NLK: variants seen among roughly 807,000 people sequenced by gnomAD.
The protein encoded by NLK is nemo like kinase.
A neutral mutation model predicts 59.0 loss-of-function variants in NLK; 11 were observed. The observed-to-expected ratio is 0.19, with a 90% CI of 0.12 to 0.31. NLK has a LOEUF of 0.31. NLK is among the 10% of genes least tolerant of loss of function. The pLI is 1.00. For missense variants in NLK, 410 were observed against 661.1 expected (o/e 0.62, Z 4.16); for synonymous variants, 235 against 235.9 (o/e 1.00, Z 0.03).
chr17:28,097,727 T>C (rs968940332), intron 1 of NLK, among the ~76,000 whole-genome samples: 5 of 152,174 alleles, frequency 3.3e-5, no homozygotes, highest in African/African-American at 1.2e-4. Context: ...TGACAGATAC[T>C]TGTACATTTT....
chr17:28,162,024 A>G (rs1908025986), intron 4 of NLK, among the ~76,000 whole-genome samples: 1 of 151,228 alleles, frequency 6.6e-6, no homozygotes, highest in Admixed American at 6.6e-5. Context: ...CACATAAGCA[A>G]TTTTTTTTTC....
At chr17:28,142,075 A>G (rs1481984726) in intron 3 of NLK, among the ~76,000 whole-genome samples, 3 of 152,198 alleles carry the variant, frequency 2.0e-5, no homozygotes, top group African/African-American at 7.2e-5. Flanking sequence ...GTTTAAAATA[A>G]CATCATTTTC....
chr17:28,092,653 A>G (rs1319454251), intron 1 of NLK, among the ~76,000 whole-genome samples: 2 of 152,114 alleles, frequency 1.3e-5, no homozygotes, highest in Non-Finnish European at 2.9e-5. Context: ...TTCAACAGTC[A>G]CCTATAGCGT....
At chr17:28,138,405 C>T (rs1906849645) in intron 3 of NLK, among the ~76,000 whole-genome samples, 2 of 152,046 alleles carry the variant, frequency 1.3e-5, no homozygotes, top group African/African-American at 2.4e-5. Flanking sequence ...GATGTTCTGG[C>T]GCAATTATTG....
chr17:28,183,691 T>C (rs1909003114), intron 7 of NLK, among the ~76,000 whole-genome samples: 1 of 152,192 alleles, frequency 6.6e-6, no homozygotes, highest in South Asian at 2.1e-4. Flanking sequence ...CCAAACTTTC[T>C]GACCACAGAA....
intron 1 of NLK, among the ~76,000 whole-genome samples, chr17:28,052,880 T>C (rs1440423052): frequency 6.6e-6 from 1 of 151,170 alleles, no homozygotes; most frequent in African/African-American, 2.4e-5. Context: ...AGCATATTGA[T>C]CTCTGGTGTT....
At chr17:28,198,313 T>C (rs141857727), downstream of NLK, among the ~76,000 whole-genome samples, 1 of 151,946 alleles carries the variant, frequency 6.6e-6, no homozygotes, top group Non-Finnish European at 1.5e-5. Context: ...GCACGTATAC[T>C]TTTAAGAGAG....
intron 2 of NLK, among the ~76,000 whole-genome samples, chr17:28,126,019 G>A (rs1906276742): frequency 6.6e-6 from 1 of 152,174 alleles, no homozygotes. Flanking sequence ...TCTTGCTGTA[G>A]AGCCCATATT....
chr17:28,094,933 G>A lies in NLK; in HGVS notation c.459-27670G>A, dbSNP rs35153765. ...TTTTTTAAATTGTTTTCTCCACAGG[G>A]CAGAGGTAGTTCTCAGTCCACATAT... On this transcript the variant is annotated intron_variant, in intron 1 of 10. Coordinates refer to ENST00000407008, the MANE Select transcript of NLK (RefSeq NM_016231.5). Among the ~76,000 whole-genome samples the A allele has an allele frequency of 5.6e-3, 852 of 152,250 alleles. 5 individuals are homozygous for A. Among genetic ancestry groups the A allele is most frequent in the Non-Finnish European group, 9.2e-3 (629 of 68,026 alleles).
rs34454358 is a variant in NLK at position 28,173,391 on chromosome 17, A to C, written c.1149+773A>C. Among the ~76,000 whole-genome samples, 485 of 152,290 alleles carry C rather than the reference A, an allele frequency of 3.2e-3. 3 individuals carry two copies. Among genetic ancestry groups the C allele is most frequent in the African/African-American group, 0.011 (457 of 41,560 alleles). On this transcript the variant is annotated intron_variant, in intron 7 of 10. Coordinates refer to ENST00000407008, the MANE Select transcript of NLK (RefSeq NM_016231.5). ...TATCTGATTGATGGTACCAAATGACAGAGTGAATTTGACACTCCTCCTCTC... is the reference window on the plus strand; with the variant it reads ...TATCTGATTGATGGTACCAAATGACCGAGTGAATTTGACACTCCTCCTCTC...
downstream of NLK, among the ~76,000 whole-genome samples, chr17:28,199,534 T>C (rs1043228470): frequency 2.0e-5 from 3 of 151,780 alleles, no homozygotes; most frequent in East Asian, 5.8e-4. Context: ...GGCGTGGTGA[T>C]GGGCGCCTAT....
chr17:28,192,429 G>A (rs755422631), intron 10 of NLK, among the ~76,000 whole-genome samples: 2 of 152,158 alleles, frequency 1.3e-5, no homozygotes, highest in Non-Finnish European at 2.9e-5. Context: ...AGCACTTTGG[G>A]AAGCCAAGGC....
chr17:28,057,514 A>G (rs1909482690), intron 1 of NLK, among the ~76,000 whole-genome samples: 1 of 152,246 alleles, frequency 6.6e-6, no homozygotes. Flanking sequence ...GTACCAGTCA[A>G]AACTGAGCTT....
chr17:28,070,389 C>G lies in NLK; in HGVS notation c.458+27058C>G, dbSNP rs190869789. Among the ~76,000 whole-genome samples, 25 of 147,446 alleles carry G rather than the reference C, an allele frequency of 1.7e-4. No homozygotes were observed. The East Asian group carries it at 5.0e-3, about 29-fold the overall frequency. ...TTTTTTTTTTGAGACGGAATCTCGCCCTGTTGCCAGGCTGGAGTGCAGTGG... is the reference window on the plus strand; with the variant it reads ...TTTTTTTTTTGAGACGGAATCTCGCGCTGTTGCCAGGCTGGAGTGCAGTGG... On this transcript the variant is annotated intron_variant, in intron 1 of 10. Transcript: ENST00000407008.
intron 1 of NLK, among the ~76,000 whole-genome samples, chr17:28,078,232 T>C (rs761063059): frequency 6.6e-6 from 1 of 152,160 alleles, no homozygotes; most frequent in Non-Finnish European, 1.5e-5. Flanking sequence ...AGGAGGAAAT[T>C]AAAATTTAAT....
intron 2 of NLK, among the ~76,000 whole-genome samples, chr17:28,129,908 T>A (rs1412628746): frequency 1.3e-5 from 2 of 152,206 alleles, no homozygotes; most frequent in African/African-American, 4.8e-5. Flanking sequence ...TCATGGAGGT[T>A]AAAATCCTAA....
the NLK span, among the ~76,000 whole-genome samples, chr17:28,203,893 C>A: frequency 6.6e-6 from 1 of 152,150 alleles, no homozygotes; most frequent in Non-Finnish European, 1.5e-5. Context: ...TGTCTTGTAT[C>A]CAGGCTGGGG....
chr17:28,048,392 G>GT (rs3214881), intron 1 of NLK: 568 of 146,706 alleles, frequency 3.9e-3, no homozygotes, highest in African/African-American at 4.2e-3. Context: ...AAAAAAGACA[G>GT]TTTTTTTTTT....
chr17:28,068,927 C>A (rs9908137), intron 1 of NLK, among the ~76,000 whole-genome samples: 279 of 152,260 alleles, frequency 1.8e-3, no homozygotes, highest in African/African-American at 6.6e-3. Flanking sequence ...GATCCTCACG[C>A]CTCAGCCTCC....
Sources: gnomAD v4.1 joint callset for allele counts (sites outside exome capture counted in the v4.1 genomes callset) on GRCh38, gnomAD v4.1.1 for gene constraint, MANE v1.5 for transcripts, NCBI Gene and HGNC (gene_info 2026-07-23, HGNC 2026-07-21) for gene names.